The following NAALADL2 variants were observed in gnomAD, a reference collection of about 807,000 sequenced individuals.
NAALADL2 encodes the protein inactive N-acetylated-alpha-linked acidic dipeptidase-like protein 2.
NAALADL2 carries 76 observed loss-of-function variants against 87.2 expected under a neutral mutation model. That is an observed-to-expected ratio of 0.87 (90% confidence interval 0.72 to 1.05). The LOEUF (loss-of-function observed/expected upper bound fraction) is 1.05, where lower values mean the gene tolerates loss of function less well. NAALADL2 is among the 50% of genes least tolerant of loss of function. The pLI, the probability that NAALADL2 is intolerant of heterozygous loss-of-function variation, is 0.00. For missense variants in NAALADL2, 1,089 were observed against 945.8 expected (o/e 1.15, Z -1.99); for synonymous variants, 354 against 331.0 (o/e 1.07, Z -0.75).
chr3:175,328,075 T>C (rs1760959676), intron 5 of NAALADL2, among the ~76,000 whole-genome samples: 1 of 152,186 alleles, frequency 6.6e-6, no homozygotes, highest in Non-Finnish European at 1.5e-5. Flanking sequence ...TTTGGGGGTA[T>C]ACATTATTGT....
intron 3 of NAALADL2, among the ~76,000 whole-genome samples, chr3:174,789,075 C>T (rs1200077821): frequency 1.3e-5 from 2 of 152,198 alleles, no homozygotes; most frequent in South Asian, 2.1e-4. Context: ...GGACCTATTA[C>T]ATCTTCTTTT....
intron 3 of NAALADL2, among the ~76,000 whole-genome samples, chr3:174,742,796 T>C (rs1037416248): frequency 7.1e-6 from 1 of 140,134 alleles, no homozygotes; most frequent in Non-Finnish European, 1.5e-5. Flanking sequence ...TTGTAGGGTG[T>C]ATTATTATGA....
intron 2 of NAALADL2, among the ~76,000 whole-genome samples, chr3:174,653,269 C>A (rs1330297442): frequency 6.6e-6 from 1 of 152,166 alleles, no homozygotes; most frequent in African/African-American, 2.4e-5. Context: ...ACCCAAATGT[C>A]CATCCACAGT....
chr3:175,567,718 C>CT (rs536353071), intron 9 of NAALADL2, among the ~76,000 whole-genome samples: 4,948 of 138,118 alleles, frequency 0.036, 252 homozygotes, highest in African/African-American at 0.11. Flanking sequence ...TTTTTCTTTT[C>CT]TTTTTTTTTT....
intron 1 of NAALADL2, among the ~76,000 whole-genome samples, chr3:175,069,906 G>T (rs562174715): frequency 6.8e-6 from 1 of 146,460 alleles, no homozygotes; most frequent in East Asian, 2.0e-4. Flanking sequence ...GTAAACTATC[G>T]CAAGAACAAA....
At chr3:175,184,248 T>C (rs940493737) in intron 2 of NAALADL2, among the ~76,000 whole-genome samples, 1 of 152,126 alleles carries the variant, frequency 6.6e-6, no homozygotes, top group Non-Finnish European at 1.5e-5. Flanking sequence ...GTTTGATTAA[T>C]TCTCCTTTAG....
intron 1 of NAALADL2, among the ~76,000 whole-genome samples, chr3:174,899,776 T>C (rs1732079873): frequency 6.6e-6 from 1 of 152,092 alleles, no homozygotes; most frequent in Admixed American, 6.5e-5. Context: ...TGTTTTTTTC[T>C]ATGAATTCCA....
At chr3:175,063,634 GTC>G (rs1399523337) in intron 1 of NAALADL2, among the ~76,000 whole-genome samples, 5 of 151,828 alleles carry the variant, frequency 3.3e-5, no homozygotes, top group African/African-American at 1.2e-4. Context: ...GTGCCACTAT[GTC>G]CCCACTAATT....
At chr3:174,508,162 G>C (rs141178309) in intron 1 of NAALADL2, among the ~76,000 whole-genome samples, 4,177 of 126,984 alleles carry the variant, frequency 0.033, 197 homozygotes, top group African/African-American at 0.12. Flanking sequence ...TGCCCAGGCT[G>C]GACTGCAGTG....
chr3:174,749,538 A>G (rs1284753317), intron 3 of NAALADL2, among the ~76,000 whole-genome samples: 1 of 151,412 alleles, frequency 6.6e-6, no homozygotes, highest in East Asian at 1.9e-4. Flanking sequence ...TGGATAATCT[A>G]TGACATATCC....
intron 10 of NAALADL2, among the ~76,000 whole-genome samples, chr3:175,583,146 C>T (rs1720022839): frequency 6.6e-6 from 1 of 152,136 alleles, no homozygotes; most frequent in East Asian, 1.9e-4. Flanking sequence ...CAATAAATTA[C>T]ATGATATATT....
intron 4 of NAALADL2, among the ~76,000 whole-genome samples, chr3:175,282,119 C>T (rs1754386047): frequency 6.6e-6 from 1 of 151,768 alleles, no homozygotes; most frequent in African/African-American, 2.4e-5. Flanking sequence ...TAAATACTAC[C>T]AGATAGTAAA....
At chr3:174,568,235 A>G (rs1238876741) in intron 2 of NAALADL2, among the ~76,000 whole-genome samples, 2 of 151,830 alleles carry the variant, frequency 1.3e-5, no homozygotes, top group Non-Finnish European at 3.0e-5. Flanking sequence ...AATTAAGTAC[A>G]TACATATTGA....
intron 1 of NAALADL2, among the ~76,000 whole-genome samples, chr3:174,894,418 C>T (rs1048978863): frequency 2.0e-5 from 3 of 151,236 alleles, no homozygotes; most frequent in South Asian, 2.1e-4. Flanking sequence ...TGGAGAAACC[C>T]CATCTCTGCT....
At chr3:175,802,340 A>G (rs566348758) in intron 13 of NAALADL2, among the ~76,000 whole-genome samples, 20 of 151,484 alleles carry the variant, frequency 1.3e-4, no homozygotes, top group African/African-American at 4.4e-4. Context: ...GGGGGGGACA[A>G]TTTTGCTCTG....
intron 5 of NAALADL2, among the ~76,000 whole-genome samples, chr3:175,419,246 G>A (rs1715229665): frequency 6.6e-6 from 1 of 151,796 alleles, no homozygotes; most frequent in Non-Finnish European, 1.5e-5. Context: ...TTCTTGTCCT[G>A]AAGCAGGTAG....
chr3:175,233,209 TA>T (rs1392440761), intron 2 of NAALADL2, among the ~76,000 whole-genome samples: 1 of 152,222 alleles, frequency 6.6e-6, no homozygotes, highest in Non-Finnish European at 1.5e-5. Flanking sequence ...TGTATTATTT[TA>T]AATAGCAATA....
chr3:175,297,545 G>A (rs1756536113), intron 4 of NAALADL2, among the ~76,000 whole-genome samples: 1 of 152,114 alleles, frequency 6.6e-6, no homozygotes, highest in Non-Finnish European at 1.5e-5. Flanking sequence ...TGTGTAAGTT[G>A]GTTAGTATGT....
chr3:175,086,135 C>G (rs1207216409), intron 1 of NAALADL2, among the ~76,000 whole-genome samples: 1 of 152,086 alleles, frequency 6.6e-6, no homozygotes, highest in African/African-American at 2.4e-5. Flanking sequence ...AACTAAAGAT[C>G]TGATATATTT....
Sources: gnomAD v4.1 joint callset for allele counts (sites outside exome capture counted in the v4.1 genomes callset) on GRCh38, gnomAD v4.1.1 for gene constraint, MANE v1.5 for transcripts, NCBI Gene and HGNC (gene_info 2026-07-23, HGNC 2026-07-21) for gene names.